Variants in ARHGAP26 observed in about 807,000 individuals in gnomAD.
The protein encoded by ARHGAP26 is Rho GTPase activating protein 26.
ARHGAP26 carries 38 observed loss-of-function variants against 104.8 expected under a neutral mutation model. That is an observed-to-expected ratio of 0.36 (90% CI 0.28 to 0.48). The LOEUF (loss-of-function observed/expected upper bound fraction) is 0.48, where lower values mean the gene tolerates loss of function less well. Among genes scored for constraint, ARHGAP26 ranks in the 20% least tolerant of loss-of-function variants. The pLI, the probability that ARHGAP26 is intolerant of heterozygous loss-of-function variation, is 0.99. For synonymous variants in ARHGAP26, 341 were observed against 340.0 expected (o/e 1.00, Z -0.03); for missense variants, 704 against 947.9 (o/e 0.74, Z 3.38).
intron 14 of ARHGAP26, among the ~76,000 whole-genome samples, chr5:143,044,787 T>G (rs1296520168): frequency 6.6e-6 from 1 of 152,188 alleles, no homozygotes; most frequent in Non-Finnish European, 1.5e-5. Context: ...ATGTGTTTGA[T>G]TATGGAAAGA....
chr5:143,106,451 A>G (rs1450830008), intron 17 of ARHGAP26, among the ~76,000 whole-genome samples: 1 of 148,600 alleles, frequency 6.7e-6, no homozygotes, highest in African/African-American at 2.5e-5. Flanking sequence ...CTCCTTTGGA[A>G]TACAATGCAT....
At chr5:143,045,376 A>G (rs1784069297) in intron 14 of ARHGAP26, among the ~76,000 whole-genome samples, 1 of 152,230 alleles carries the variant, frequency 6.6e-6, no homozygotes, top group South Asian at 2.1e-4. Flanking sequence ...GATTCTCCCT[A>G]CGAGTTAAAT....
chr5:143,203,639 A>G (rs1411125305), intron 20 of ARHGAP26: 2 of 152,266 alleles, frequency 1.3e-5, no homozygotes, highest in African/African-American at 4.8e-5. Context: ...TTATTGCAGC[A>G]CTGTTCACAA....
intron 11 of ARHGAP26, among the ~76,000 whole-genome samples, chr5:142,935,237 T>C (rs968717345): frequency 2.6e-5 from 4 of 152,192 alleles, no homozygotes; most frequent in Admixed American, 6.5e-5. Flanking sequence ...TCCTCTTTTG[T>C]ATTGGCTTCA....
intron 11 of ARHGAP26, among the ~76,000 whole-genome samples, chr5:142,971,048 G>T (rs1772189962): frequency 6.6e-6 from 1 of 152,118 alleles, no homozygotes; most frequent in Admixed American, 6.6e-5. Context: ...TGGCATTGGA[G>T]GTTTGAGTTT....
chr5:143,054,406 T>C, intron 14 of ARHGAP26, 33 bp from the exon 15 acceptor site: 1 of 1,495,052 alleles, frequency 6.7e-7, no homozygotes, highest in Non-Finnish European at 9.2e-7. Flanking sequence ...CATTTTATGC[T>C]GTGCTTTATG....
intron 20 of ARHGAP26, among the ~76,000 whole-genome samples, chr5:143,192,286 G>A (rs78956095): frequency 0.012 from 1,847 of 152,326 alleles, 28 homozygotes; most frequent in African/African-American, 0.042. Context: ...TTGAGTGGCG[G>A]ATGAGCAGTG....
intron 17 of ARHGAP26, among the ~76,000 whole-genome samples, chr5:143,068,454 C>T (rs1415836267): frequency 2.6e-5 from 4 of 152,160 alleles, no homozygotes; most frequent in Admixed American, 1.3e-4. Flanking sequence ...CTCTCCTGTG[C>T]GACAGGGGAA....
chr5:142,907,795 A>G lies in ARHGAP26; in HGVS notation c.924A>G (p.Gly308=). The G allele has an allele frequency of 6.2e-7, 1 of 1,608,612 alleles. No individual in the cohort carries two copies. The highest frequency in any genetic ancestry group is 8.5e-7 in the Non-Finnish European group (1 of 1,176,190). Residue 308 remains glycine (G), a synonymous_variant, in exon 9 of 23, where the codon GGA becomes GGG. Coordinates refer to ENST00000645722, the MANE Select transcript of ARHGAP26 (RefSeq NM_001135608.3). ...TGGTACCATTTGACCAAAAGTCAGG[A>G]GGAAAAGGGGTGAGTTCATTTTTAA... is the stretch of plus-strand genomic sequence containing the variant. The part of the protein sequence containing the change: ...ITMVPFDQKS[G]GKGGEDESVI...
chr5:143,199,588 C>A lies in ARHGAP26; in HGVS notation c.1989-7610C>A, dbSNP rs187089102. On this transcript the variant is annotated intron_variant, in intron 20 of 22. Coordinates refer to ENST00000645722, the MANE Select transcript of ARHGAP26 (RefSeq NM_001135608.3). ...TTCATCATAGGGGCAAAATCAAAGC[C>A]GCCCCCTGTTAGTTTAATAGCACCA... Among the ~76,000 whole-genome samples the A allele has an allele frequency of 2.8e-4, 42 of 152,198 alleles. 2 individuals carry two copies. The highest frequency in any genetic ancestry group is 8.9e-4 in the African/African-American group (37 of 41,518).
intron 17 of ARHGAP26, among the ~76,000 whole-genome samples, chr5:143,076,042 C>T (rs1177819567): frequency 6.6e-6 from 1 of 152,084 alleles, no homozygotes; most frequent in African/African-American, 2.4e-5. Context: ...CTCTGTCACC[C>T]AGGCTGGAAT....
At chr5:142,917,606 C>T (rs1035483931) in intron 10 of ARHGAP26, among the ~76,000 whole-genome samples, 2 of 152,340 alleles carry the variant, frequency 1.3e-5, no homozygotes, top group African/African-American at 4.8e-5. Context: ...TTAAAAGAAG[C>T]AATGCAGATA....
chr5:142,921,471 T>C (rs1763181305), intron 10 of ARHGAP26: 1 of 167,076 alleles, frequency 6.0e-6, no homozygotes, highest in Non-Finnish European at 1.5e-5. Context: ...ATCAAGTTAG[T>C]TGCTATTTAA....
At chr5:142,846,464 G>A (rs979289152) in intron 1 of ARHGAP26, among the ~76,000 whole-genome samples, 1 of 152,180 alleles carries the variant, frequency 6.6e-6, no homozygotes, top group African/African-American at 2.4e-5. Flanking sequence ...GGATTAGTCT[G>A]TTTGACCTTC....
At chr5:143,166,280 A>T (rs561343844) in intron 20 of ARHGAP26, among the ~76,000 whole-genome samples, 3 of 152,284 alleles carry the variant, frequency 2.0e-5, no homozygotes, top group African/African-American at 7.2e-5. Context: ...ACACCCTCAG[A>T]TCAGGGTGAC....
At chr5:142,802,889 A>G (rs1762331487) in intron 1 of ARHGAP26, among the ~76,000 whole-genome samples, 1 of 152,188 alleles carries the variant, frequency 6.6e-6, no homozygotes, top group Non-Finnish European at 1.5e-5. Flanking sequence ...CCTCACCTGT[A>G]AAGTAGAGAA....
At chr5:142,872,327 G>A (rs707177) in intron 1 of ARHGAP26, among the ~76,000 whole-genome samples, 78,555 of 151,912 alleles carry the variant, frequency 0.52, 23,928 homozygotes, top group East Asian at 0.91. Context: ...TGCAGCCACA[G>A]TACACCCCCC....
At chr5:143,137,557 A>C (rs1184678561) in intron 19 of ARHGAP26, among the ~76,000 whole-genome samples, 1 of 152,252 alleles carries the variant, frequency 6.6e-6, no homozygotes, top group Non-Finnish European at 1.5e-5. Context: ...GCACTCCCGC[A>C]TACCTCTCCT....
At chr5:142,847,004 G>A (rs552494316) in intron 1 of ARHGAP26, among the ~76,000 whole-genome samples, 19 of 151,930 alleles carry the variant, frequency 1.3e-4, no homozygotes, top group Non-Finnish European at 2.2e-4. Flanking sequence ...AATGGGTAGC[G>A]GGGGGTGATT....
Sources: allele counts gnomAD v4.1 joint callset (sites outside exome capture counted in the v4.1 genomes callset), GRCh38; gene constraint gnomAD v4.1.1; transcripts MANE v1.5; gene names NCBI Gene and HGNC (gene_info 2026-07-23, HGNC 2026-07-21).